Variants in CAP2 observed in about 807,000 individuals in gnomAD.
The protein encoded by CAP2 is adenylyl cyclase-associated protein 2.
Under a neutral mutation model 57.7 loss-of-function variants are expected in CAP2, and 24 were observed. That is an observed-to-expected ratio of 0.42 (90% confidence interval 0.30 to 0.58). The LOEUF (loss-of-function observed/expected upper bound fraction) is 0.58. Among genes scored for constraint, CAP2 ranks in the 20% least tolerant of loss-of-function variants. The probability of loss-of-function intolerance (pLI) is 0.22; values close to 1 mark genes in which losing one functional copy is unlikely to be tolerated. For missense variants in CAP2, 501 were observed against 590.3 expected, an observed-to-expected ratio of 0.85 and a Z score of 1.57; for synonymous variants, 194 against 207.2, an observed-to-expected ratio of 0.94 and a Z score of 0.55.
At chr6:17,445,579 G>T (rs957630672) in intron 3 of CAP2, among the ~76,000 whole-genome samples, 1 of 152,130 alleles carries the variant, frequency 6.6e-6, no homozygotes, top group Non-Finnish European at 1.5e-5. Flanking sequence ...TTAAACTTTT[G>T]GTGGGGACTT....
chr6:17,548,069 T>G (rs1763092993), intron 11 of CAP2, among the ~76,000 whole-genome samples: 1 of 151,760 alleles, frequency 6.6e-6, no homozygotes, highest in African/African-American at 2.4e-5. Context: ...CAAATAAGTT[T>G]TAGAAAATGC....
At position 17,421,690 on chromosome 6, in the gene CAP2, C is replaced by G. The variant is rs1394758024; in HGVS notation, c.121+14C>G. The G allele has an allele frequency of 1.5e-5, 24 of 1,614,086 alleles. No individual in the cohort carries two copies. Among genetic ancestry groups the G allele is most frequent in the Non-Finnish European group, 1.9e-5 (23 of 1,179,914 alleles). On this transcript the variant is annotated intron_variant, in intron 2 of 12. Coordinates refer to ENST00000229922, the MANE Select transcript of CAP2 (RefSeq NM_006366.3). ...GTGTCATTGCAGGTAGGGTCACAAA[C>G]TGTTGTCATTCCTGGTCTTCTTGTG... is the stretch of plus-strand genomic sequence containing the variant.
At chr6:17,496,037 G>GGGGT (rs1204207554) in intron 4 of CAP2, among the ~76,000 whole-genome samples, 2 of 132,218 alleles carry the variant, frequency 1.5e-5, no homozygotes. Flanking sequence ...TGGGGGGGGG[G>GGGGT]GGTAAGTCAG....
Position 17,557,573 on chromosome 6 carries a change from T to C in CAP2, c.*1131T>C, listed in dbSNP as rs1763343746. On this transcript the variant is annotated 3_prime_UTR_variant, in exon 13 of 13. Transcript: ENST00000229922. ...AATGCTTGCAGGCCCAGTACAAGCATATATATTGTGCCTCTTACAGCCTTT... is the reference window on the plus strand; with the variant it reads ...AATGCTTGCAGGCCCAGTACAAGCACATATATTGTGCCTCTTACAGCCTTT... 1.3e-5 allele frequency: 2 copies of C among 152,172 alleles called. No homozygotes were observed. Among genetic ancestry groups the C allele is most frequent in the Admixed American group, 1.3e-4 (2 of 15,274 alleles). 9.4% of individuals were successfully genotyped at this position (152,172 alleles called of 1,614,324 possible). A position where few individuals can be genotyped will look rare whatever the true frequency, so the allele number is the denominator to read the frequency against.
At chr6:17,517,878 G>T (rs1045500757) in intron 7 of CAP2, among the ~76,000 whole-genome samples, 8 of 152,078 alleles carry the variant, frequency 5.3e-5, no homozygotes, top group African/African-American at 1.7e-4. Context: ...TTCAGCCTGG[G>T]CAACAAGAGT....
At chr6:17,411,561 C>T (rs151226881) in intron 1 of CAP2, among the ~76,000 whole-genome samples, 37 of 152,358 alleles carry the variant, frequency 2.4e-4, no homozygotes, top group African/African-American at 8.2e-4. Context: ...AGCCCTTTCA[C>T]ATGTGCTCTT....
intron 7 of CAP2, among the ~76,000 whole-genome samples, chr6:17,526,991 A>AAGC (rs1053681538): frequency 1.3e-5 from 2 of 150,644 alleles, no homozygotes; most frequent in Admixed American, 1.3e-4. Flanking sequence ...ACACATAGGC[A>AAGC]AGCCCTGGCC....
chr6:17,492,572 T>A (rs919833274), intron 4 of CAP2, among the ~76,000 whole-genome samples: 1 of 152,184 alleles, frequency 6.6e-6, no homozygotes, highest in African/African-American at 2.4e-5. Context: ...GAAAAGCAGC[T>A]TTTATCCCTG....
chr6:17,482,061 C>G lies in CAP2; in HGVS notation c.300+18988C>G, dbSNP rs1761300579. 2.6e-5 allele frequency among the ~76,000 whole-genome samples: 4 copies of G among 152,226 alleles called. 1 individual carries two copies. Among genetic ancestry groups the G allele is most frequent in the Admixed American group, 2.6e-4 (4 of 15,280 alleles). ...CAGTTCAATAAATTTTCTGTTATCTCTGTTCCTAATTTTATACTCATCACG... is the reference window on the plus strand; with the variant it reads ...CAGTTCAATAAATTTTCTGTTATCTGTGTTCCTAATTTTATACTCATCACG... On this transcript the variant is annotated intron_variant, in intron 4 of 12. Transcript: ENST00000229922.
chr6:17,507,198 A>G lies in CAP2; in HGVS notation c.330A>G (p.Ile110Met), dbSNP rs1422937566. The change falls in exon 5 of 13, where the codon ATA (isoleucine) becomes ATG (methionine). Residue 110 changes from isoleucine to methionine, a missense_variant. Physicochemically the swap from Ile to Met is conservative, Grantham distance 10. Coordinates refer to ENST00000229922, the MANE Select transcript of CAP2 (RefSeq NM_006366.3). ...ENDVAALLKP[I>M]SEKIQEIQTF... The stretch of plus-strand genomic sequence containing the variant: ...ACGTGGCCGCACTTCTGAAACCCAT[A>G]TCGGAAAAGATTCAGGAAATCCAAA... 3 of 1,614,226 alleles carry G rather than the reference A, an allele frequency of 1.9e-6. No individual in the cohort carries two copies. The highest frequency in any genetic ancestry group is 2.2e-5 in the East Asian group (1 of 44,884).
chr6:17,523,229 T>C (rs1762430068), intron 7 of CAP2, among the ~76,000 whole-genome samples: 1 of 151,852 alleles, frequency 6.6e-6, no homozygotes, highest in East Asian at 1.9e-4. Context: ...AGCCACTGAG[T>C]TGGAGGACAA....
intron 1 of CAP2, among the ~76,000 whole-genome samples, chr6:17,403,593 A>G (rs539243139): frequency 3.3e-5 from 5 of 152,254 alleles, no homozygotes; most frequent in Admixed American, 6.5e-5. Context: ...GTATCAGAAT[A>G]GCTTTTTTTA....
intron 4 of CAP2, among the ~76,000 whole-genome samples, chr6:17,472,639 T>C (rs1761049675): frequency 6.6e-6 from 1 of 152,176 alleles, no homozygotes; most frequent in Non-Finnish European, 1.5e-5. Flanking sequence ...ACCTTGGTAA[T>C]TACATGGTGG....
rs1349739125 is a variant in CAP2, at chr6:17,551,520, C to T, written c.1266C>T (p.Tyr422=). 4 of 1,610,234 alleles carry T rather than the reference C, an allele frequency of 2.5e-6. No individual in the cohort carries two copies. Among genetic ancestry groups the T allele is most frequent in the Non-Finnish European group, 3.4e-6 (4 of 1,176,826 alleles). ...ATAAGACAGAAGGTTGCCACATATACCTCAGTGAAGATGCATTAGACTGTG... is the reference window on the plus strand; with the variant it reads ...ATAAGACAGAAGGTTGCCACATATATCTCAGTGAAGATGCATTAGACTGTG... ...SINKTEGCHI[Y]LSEDALDCEI... is the part of the protein sequence containing the mutation. Residue 422 remains tyrosine, a synonymous_variant, in exon 12 of 13, where the codon TAC becomes TAT. Coordinates refer to ENST00000229922, the MANE Select transcript of CAP2 (RefSeq NM_006366.3).
intron 3 of CAP2, among the ~76,000 whole-genome samples, chr6:17,450,887 T>C (rs961512407): frequency 7.2e-5 from 11 of 152,342 alleles, no homozygotes; most frequent in African/African-American, 2.6e-4. Flanking sequence ...GTGCTTTGGC[T>C]AAGGTAGAGC....
intron 7 of CAP2, among the ~76,000 whole-genome samples, chr6:17,537,912 T>C (rs1314281980): frequency 1.3e-5 from 2 of 151,414 alleles, no homozygotes; most frequent in Non-Finnish European, 2.9e-5. Flanking sequence ...ACTAAAGATA[T>C]AAAAATTAGC....
intron 3 of CAP2, among the ~76,000 whole-genome samples, chr6:17,444,387 C>T (rs752301152): frequency 6.6e-5 from 10 of 152,026 alleles, no homozygotes; most frequent in Non-Finnish European, 1.3e-4. Flanking sequence ...GCCTGTAATC[C>T]CAGCATTTTG....
At chr6:17,550,417 T>G (rs1304039404) in intron 11 of CAP2, among the ~76,000 whole-genome samples, 3 of 109,666 alleles carry the variant, frequency 2.7e-5, no homozygotes, top group Non-Finnish European at 3.8e-5. Context: ...TTTTTTTTTT[T>G]TTTTGCACTG....
chr6:17,415,872 C>T (rs987778386), intron 1 of CAP2, among the ~76,000 whole-genome samples: 7 of 152,036 alleles, frequency 4.6e-5, no homozygotes, highest in Non-Finnish European at 1.0e-4. Flanking sequence ...GTGAAAGCTG[C>T]TTTTATAACT....
Sources: gnomAD v4.1 joint callset for allele counts (sites outside exome capture counted in the v4.1 genomes callset) on GRCh38, gnomAD v4.1.1 for gene constraint, MANE v1.5 for transcripts, NCBI Gene and HGNC (gene_info 2026-07-23, HGNC 2026-07-21) for gene names.